The following TACC1 variants were observed in gnomAD, a reference collection of about 807,000 sequenced individuals.
TACC1 encodes the protein transforming acidic coiled-coil-containing protein 1.
In TACC1, 48 loss-of-function variants were observed where a neutral mutation model predicts 84.4. The ratio of observed to expected loss-of-function variants is 0.57; its 90% CI spans 0.45 to 0.72. TACC1 has a LOEUF of 0.72. Among genes scored for constraint, TACC1 ranks in the 30% least tolerant of loss-of-function variants. The probability of loss-of-function intolerance (pLI) is 0.00; values close to 1 mark genes in which losing one functional copy is unlikely to be tolerated. For synonymous variants in TACC1, 372 were observed against 376.3 expected (o/e 0.99, Z 0.13); for missense variants, 920 against 973.0 (o/e 0.95, Z 0.72).
intron 2 of TACC1, among the ~76,000 whole-genome samples, chr8:38,793,900 AT>A (rs1491003746): frequency 6.6e-6 from 1 of 152,248 alleles, no homozygotes; most frequent in African/African-American, 2.4e-5. Flanking sequence ...CAGAAAAAAA[AT>A]GTCAACCTAC....
At chr8:38,783,265 A>C (rs1211929218), upstream of TACC1, among the ~76,000 whole-genome samples, 1 of 151,802 alleles carries the variant, frequency 6.6e-6, no homozygotes. Flanking sequence ...TGTGATACAG[A>C]AGAAAACAGA....
chr8:38,842,411 T>C lies in TACC1; in HGVS notation c.2085T>C (p.Tyr695=), dbSNP rs779355301. The part of the protein sequence containing the change: ...ERSLSDLFRR[Y]ENLKGVLEGF... ...CCCTTTCTGATCTCTTCAGGAGATA[T>C]GAGAACCTGAAAGGTGTTCTGGAAG... The change falls in exon 10 of 13, where the codon TAT becomes TAC. Residue 695 remains tyrosine (Y), a synonymous_variant. Coordinates refer to ENST00000317827, the MANE Select transcript of TACC1 (RefSeq NM_006283.3). 3.3e-5 allele frequency: 54 copies of C among 1,613,142 alleles called. No individual in the cohort carries two copies. Among genetic ancestry groups the C allele is most frequent in the East Asian group, 1.6e-4 (7 of 44,886 alleles).
chr8:38,763,561 T>C (rs772722671), intron 3 of TACC1, among the ~76,000 whole-genome samples: 1 of 152,158 alleles, frequency 6.6e-6, no homozygotes, highest in Non-Finnish European at 1.5e-5. Context: ...ATTTACAATA[T>C]CACAATTGTA....
intron 8 of TACC1, among the ~76,000 whole-genome samples, chr8:38,838,951 CA>C (rs1396163523): frequency 6.6e-6 from 1 of 151,698 alleles, no homozygotes; most frequent in African/African-American, 2.4e-5. Context: ...GGCTGGAGTG[CA>C]GTGGTGTGAT....
chr8:38,740,117 A>G (rs1332404856), intron 1 of TACC1, among the ~76,000 whole-genome samples: 2 of 152,228 alleles, frequency 1.3e-5, no homozygotes, highest in Non-Finnish European at 2.9e-5. Flanking sequence ...TGAGTGCTGT[A>G]ACTCTGGGTC....
At chr8:38,746,976 T>C (rs890944113) in intron 3 of TACC1, among the ~76,000 whole-genome samples, 2 of 152,166 alleles carry the variant, frequency 1.3e-5, no homozygotes, top group Non-Finnish European at 2.9e-5. Flanking sequence ...AAAAATTACA[T>C]TGAACATTTA....
chr8:38,838,085 C>G (rs981852964), intron 7 of TACC1, among the ~76,000 whole-genome samples: 11 of 152,246 alleles, frequency 7.2e-5, no homozygotes, highest in Non-Finnish European at 1.6e-4. Flanking sequence ...GGTGGCCTGG[C>G]ATCAGCCGTG....
Position 38,820,469 on chromosome 8 carries a change from C to A in TACC1, c.1225C>A (p.Leu409Ile). The stretch of plus-strand genomic sequence containing the variant: ...CTCTGTTCTGCAGAACTCCCCACCC[C>A]TCTCTTCTGAGGGCTCCTACCACTT... ...SHSVLQNSPPLSSEGSYHFDP... is the reference protein window; with the variant it reads ...SHSVLQNSPPISSEGSYHFDP... Residue 409 changes from leucine to isoleucine, a missense_variant, in exon 3 of 13, where the codon CTC (leucine) becomes ATC (isoleucine). Coordinates refer to ENST00000317827, the MANE Select transcript of TACC1 (RefSeq NM_006283.3). The A allele has an allele frequency of 6.2e-7, 1 of 1,614,220 alleles. No individual in the cohort carries two copies. The highest frequency in any genetic ancestry group is 8.5e-7 in the Non-Finnish European group (1 of 1,180,032).
chr8:38,779,119 C>T (rs1051576779), intron 3 of TACC1, among the ~76,000 whole-genome samples: 5 of 152,072 alleles, frequency 3.3e-5, no homozygotes, highest in Middle Eastern at 3.4e-3. Context: ...GGACTACAGG[C>T]GAACACCACC....
At chr8:38,770,129 C>G (rs1211356003) in intron 3 of TACC1, among the ~76,000 whole-genome samples, 1 of 151,942 alleles carries the variant, frequency 6.6e-6, no homozygotes, top group Admixed American at 6.6e-5. Flanking sequence ...TGGCTCTCCC[C>G]CATCCTTCCT....
In TACC1 at chr8:38,851,998, T is replaced by C. The variant is rs1256609798; in HGVS notation, c.*3975T>C. 12 of 456,312 alleles carry C rather than the reference T, an allele frequency of 2.6e-5. No individual in the cohort carries two copies. The East Asian group carries it at 3.5e-4, about 13-fold the overall frequency. The allele number at this position is 456,312 out of a possible 1,614,324, so 28.3% of individuals were successfully genotyped here. ...TTACCACTAAATCCTTGAGTCTCCA[T>C]AGAGTAACAGTAAAGAAACTGATGT... On this transcript the variant is annotated 3_prime_UTR_variant, in exon 13 of 13. Transcript: ENST00000317827.
chr8:38,829,535 A>G (rs746932442), intron 5 of TACC1, among the ~76,000 whole-genome samples: 9 of 151,896 alleles, frequency 5.9e-5, no homozygotes, highest in Admixed American at 1.3e-4. Flanking sequence ...TTGCTCCCAC[A>G]TTTCCTTTCC....
In TACC1 at chr8:38,787,438, C is replaced by G; in HGVS notation, c.-145C>G. The G allele has an allele frequency of 1.5e-6, 2 of 1,358,046 alleles. No homozygotes were observed. The highest frequency in any genetic ancestry group is 1.9e-6 in the Non-Finnish European group (2 of 1,061,522). The allele number at this position is 1,358,046 out of a possible 1,614,324, so 84.1% of individuals were successfully genotyped here. A position where few individuals can be genotyped will look rare whatever the true frequency, so the allele number is the denominator to read the frequency against. The stretch of plus-strand genomic sequence containing the variant: ...GGAGGAAGCGCTCCACCAGGGCCCC[C>G]GACGGCACTCGTTTAACCACATCCG... On this transcript the variant is annotated 5_prime_UTR_variant, in exon 1 of 13. Transcript: ENST00000317827.
intron 2 of TACC1, among the ~76,000 whole-genome samples, chr8:38,792,679 A>G (rs534440559): frequency 6.6e-6 from 1 of 152,050 alleles, no homozygotes; most frequent in Non-Finnish European, 1.5e-5. Flanking sequence ...GTTAGCCAGG[A>G]TGGTCTCGAT....
chr8:38,745,646 G>C (rs7838063), intron 3 of TACC1, among the ~76,000 whole-genome samples: 112,482 of 152,024 alleles, frequency 0.74, 41,673 homozygotes, highest in South Asian at 0.84. Context: ...TGGGTTCAAG[G>C]AATTCTCCTG....
chr8:38,839,639 A>G, intron 8 of TACC1: 1 of 241,850 alleles, frequency 4.1e-6, no homozygotes, highest in East Asian at 7.1e-5. Context: ...GGAGGACGTG[A>G]TGCGACTCAC....
intron 3 of TACC1, among the ~76,000 whole-genome samples, chr8:38,756,834 G>A (rs1037121404): frequency 1.3e-5 from 2 of 151,814 alleles, no homozygotes; most frequent in African/African-American, 4.9e-5. Context: ...TTGCAGGGCC[G>A]CCTGGGTCCC....
rs1186331944 is a variant in TACC1, at chr8:38,768,113, A to T, written c.27-20591A>T. On this transcript the variant is annotated intron_variant, in intron 3 of 14. Transcript: ENST00000518415. ...GAAGGAAGGAAGGAAGGAAGGAAGG[A>T]AGGAAGGTAGGGGAAGGGAAGGGAG... 3.7e-5 allele frequency among the ~76,000 whole-genome samples: 5 copies of T among 134,876 alleles called. No individual in the cohort carries two copies. In the East Asian group the frequency reaches 1.1e-3, roughly 31 times the overall value. 88.5% of individuals were successfully genotyped at this position (134,876 alleles called of 152,430 possible).
In TACC1 at chr8:38,820,091, A is replaced by G; in HGVS notation, c.847A>G (p.Arg283Gly). Residue 283 changes from arginine to glycine, a missense_variant, in exon 3 of 13, where the codon AGG (arginine) becomes GGG (glycine). Coordinates refer to ENST00000317827, the MANE Select transcript of TACC1 (RefSeq NM_006283.3). Reference sequence around the variant, plus strand: ...CACAAGTCCTTTGCTAGGAGATGCCAGGTTCCAGAAGTCTCCCCCTGACCT... The same window carrying G: ...CACAAGTCCTTTGCTAGGAGATGCCGGGTTCCAGAAGTCTCCCCCTGACCT... ...ENTSPLLGDA[R>G]FQKSPPDLKE... The G allele has an allele frequency of 6.2e-7, 1 of 1,614,196 alleles. No individual in the cohort carries two copies. The highest frequency in any genetic ancestry group is 8.5e-7 in the Non-Finnish European group (1 of 1,180,032).
Sources: gnomAD v4.1 joint callset for allele counts (sites outside exome capture counted in the v4.1 genomes callset) on GRCh38, gnomAD v4.1.1 for gene constraint, MANE v1.5 for transcripts, NCBI Gene and HGNC (gene_info 2026-07-23, HGNC 2026-07-21) for gene names.